Variants in PKD1L3 observed in about 807,000 individuals in gnomAD.
PKD1L3 encodes polycystin-1-like protein 3.
In PKD1L3, 239 loss-of-function variants were observed where a neutral mutation model predicts 184.1. The observed-to-expected ratio is 1.30, with a 90% CI of 1.17 to 1.45. The LOEUF (loss-of-function observed/expected upper bound fraction) is 1.45, where lower values mean the gene tolerates loss of function less well. PKD1L3 is among the 40% of genes most tolerant of loss of function. The pLI, the probability that PKD1L3 is intolerant of heterozygous loss-of-function variation, is 0.00. For missense variants in PKD1L3, 2,660 were observed against 2,067.2 expected (o/e 1.29, Z -5.56); for synonymous variants, 996 against 778.8 (o/e 1.28, Z -4.64).
chr16:71,976,021 C>G (rs1339240209), intron 11 of PKD1L3, among the ~76,000 whole-genome samples: 1 of 151,370 alleles, frequency 6.6e-6, no homozygotes, highest in Non-Finnish European at 1.5e-5. Flanking sequence ...AATCTCAGCT[C>G]ACTGCAACCT....
chr16:71,944,417 T>C (rs2038481429), intron 22 of PKD1L3, among the ~76,000 whole-genome samples: 2 of 152,194 alleles, frequency 1.3e-5, no homozygotes, highest in African/African-American at 4.8e-5. Context: ...CAGCGGCTCA[T>C]GCCTGTAATT....
intron 28 of PKD1L3, among the ~76,000 whole-genome samples, chr16:71,931,463 C>CTTTTTTT (rs11405919): frequency 7.8e-5 from 9 of 115,888 alleles, no homozygotes; most frequent in Non-Finnish European, 1.0e-4. Context: ...TTCTCCCCCA[C>CTTTTTTT]TTTTTTTTTT....
At chr16:71,976,990 G>T (rs766729945) in intron 11 of PKD1L3, among the ~76,000 whole-genome samples, 96 of 152,292 alleles carry the variant, frequency 6.3e-4, no homozygotes, top group Non-Finnish European at 1.2e-3. Context: ...TGATCTGCCC[G>T]CCTCGGCCTC....
intron 2 of PKD1L3, among the ~76,000 whole-genome samples, chr16:71,995,873 G>T (rs1467271991): frequency 6.6e-6 from 1 of 152,152 alleles, no homozygotes; most frequent in African/African-American, 2.4e-5. Flanking sequence ...CAACTTATGA[G>T]AGTACCTATT....
intron 12 of PKD1L3, among the ~76,000 whole-genome samples, chr16:71,972,210 G>T (rs1358705963): frequency 1.3e-5 from 2 of 150,796 alleles, no homozygotes; most frequent in Admixed American, 6.6e-5. Flanking sequence ...AGCAAGACTG[G>T]TCTCAAAAAA....
In PKD1L3 at chr16:71,986,488, T is replaced by C. The variant is rs534729692; in HGVS notation, c.586-19A>G. ...TCTTGGACTAAAAGATAAAAATATG[T>C]AAAGGAAAAGACTGAATCTGATTTT... is the stretch of plus-strand genomic sequence containing the variant. On this transcript the variant is annotated intron_variant, in intron 4 of 29. Coordinates refer to ENST00000620267, the MANE Select transcript of PKD1L3 (RefSeq NM_181536.2). 1.9e-5 allele frequency: 30 copies of C among 1,542,084 alleles called. No individual in the cohort carries two copies. In the South Asian group the frequency reaches 3.4e-4, roughly 17 times the overall value.
intron 12 of PKD1L3, among the ~76,000 whole-genome samples, chr16:71,970,819 A>C (rs1482622496): frequency 6.6e-6 from 1 of 152,188 alleles, no homozygotes; most frequent in Non-Finnish European, 1.5e-5. Context: ...AAAATAAATA[A>C]ATAATACATA....
At position 71,930,113 on chromosome 16, in the gene PKD1L3, A is replaced by AC; in HGVS notation, c.4996dup (p.Val1666GlyfsTer3). On this transcript the variant is annotated frameshift_variant, in exon 29 of 30. Transcript: ENST00000620267. LOFTEE classifies it high-confidence loss of function. ...AATGGCCGAAACGAAAAGATTAATT[A>AC]CCACAAGTACCATCAAGATGACACT... 1 of 1,551,638 alleles carries AC rather than the reference A, an allele frequency of 6.4e-7. No individual in the cohort carries two copies. Among genetic ancestry groups the AC allele is most frequent in the Non-Finnish European group, 8.7e-7 (1 of 1,146,922 alleles).
intron 13 of PKD1L3, among the ~76,000 whole-genome samples, chr16:71,969,396 C>A (rs751886798): frequency 2.0e-5 from 3 of 151,626 alleles, no homozygotes; most frequent in Admixed American, 6.6e-5. Context: ...CTTCAAGGCT[C>A]CTGGGCTCAA....
At chr16:71,961,013 C>A (rs750702121) in intron 16 of PKD1L3, among the ~76,000 whole-genome samples, 17 of 152,104 alleles carry the variant, frequency 1.1e-4, no homozygotes, top group Non-Finnish European at 2.2e-4. Flanking sequence ...TATACACAAG[C>A]AACACACAAT....
Position 71,984,103 on chromosome 16 carries a change from A to G in PKD1L3, c.899T>C (p.Leu300Pro). The change falls in exon 6 of 30, where the codon CTA becomes CCA. Residue 300 changes from leucine to proline, a missense_variant. Leu to Pro is a moderately conservative substitution (Grantham distance 98). Coordinates refer to ENST00000620267, the MANE Select transcript of PKD1L3 (RefSeq NM_181536.2). Reference protein sequence around the residue: ...AVHGLQALNKLQEACEFLQKL... With the variant: ...AVHGLQALNKPQEACEFLQKL... ...CTGGAGGAACTCACAAGCTTCCTGT[A>G]GTTTGTTAAGAGCTTGCAAACCATG... The G allele has an allele frequency of 6.4e-7, 1 of 1,552,178 alleles. No individual in the cohort carries two copies. Among genetic ancestry groups the G allele is most frequent in the Non-Finnish European group, 8.7e-7 (1 of 1,147,074 alleles).
chr16:71,944,031 C>T lies in PKD1L3; in HGVS notation c.3858G>A (p.Leu1286=). Residue 1286 remains leucine, a splice_region_variant and synonymous_variant, in exon 23 of 30, where the codon TTG becomes TTA. Transcript: ENST00000620267. Reference sequence around the variant, plus strand: ...TATGTTGCCATTTCCTCTCCATACCCAAAATATCTCCAGTCAGCTTGAAGA... The same window carrying T: ...TATGTTGCCATTTCCTCTCCATACCTAAAATATCTCCAGTCAGCTTGAAGA... ...KKLFKLTGDI[L]VQILFLTLLM... The T allele has an allele frequency of 6.4e-7, 1 of 1,550,970 alleles. No homozygotes were observed. The highest frequency in any genetic ancestry group is 8.7e-7 in the Non-Finnish European group (1 of 1,146,800).
At chr16:71,990,006 T>A (rs1035656152) in intron 4 of PKD1L3, among the ~76,000 whole-genome samples, 2 of 146,124 alleles carry the variant, frequency 1.4e-5, no homozygotes, top group East Asian at 4.0e-4. Context: ...ACCCGGGAGG[T>A]AGAGGTTGCA....
chr16:71,933,337 AGGG>A (rs1461795544), intron 28 of PKD1L3, 80 bp downstream of exon 28: 1 of 964,496 alleles, frequency 1.0e-6, no homozygotes, highest in Non-Finnish European at 1.6e-6. Flanking sequence ...AGTGTACAGT[AGGG>A]GGCTGTTTTC....
chr16:71,970,932 G>A (rs1555521450), intron 12 of PKD1L3, among the ~76,000 whole-genome samples: 1 of 152,144 alleles, frequency 6.6e-6, no homozygotes, highest in Non-Finnish European at 1.5e-5. Flanking sequence ...AATGCCATTT[G>A]CCCAAAGCCT....
intron 3 of PKD1L3, among the ~76,000 whole-genome samples, chr16:71,990,603 G>C (rs139411799): frequency 1.3e-5 from 2 of 151,908 alleles, no homozygotes; most frequent in Admixed American, 6.6e-5. Context: ...GCGTGGTGGC[G>C]GATGCATATA....
chr16:71,970,313 G>T (rs2039664139), intron 12 of PKD1L3, among the ~76,000 whole-genome samples: 2 of 152,164 alleles, frequency 1.3e-5, no homozygotes, highest in South Asian at 4.1e-4. Flanking sequence ...TTTGAATCCT[G>T]CAATTCCAGT....
chr16:71,969,805 GT>G, intron 13 of PKD1L3, 69 bp downstream of exon 13: 1 of 1,375,330 alleles, frequency 7.3e-7, no homozygotes. Context: ...TGACGAAGGT[GT>G]TTTTTCCTTC....
At chr16:71,933,586 T>C in intron 27 of PKD1L3, 65 bp from the exon 28 acceptor site, 1 of 1,206,668 alleles carries the variant, frequency 8.3e-7, no homozygotes, top group Admixed American at 2.0e-5. Flanking sequence ...CTGAGGTGCT[T>C]GGGGATGTGG....
Sources: gnomAD v4.1 joint callset for allele counts (sites outside exome capture counted in the v4.1 genomes callset) on GRCh38, gnomAD v4.1.1 for gene constraint, MANE v1.5 for transcripts, NCBI Gene and HGNC (gene_info 2026-07-23, HGNC 2026-07-21) for gene names.